Variants in KLF13 observed in about 807,000 individuals in gnomAD.
The protein encoded by KLF13 is Krueppel-like factor 13.
In KLF13, 8 loss-of-function variants were observed where a neutral mutation model predicts 16.7. The ratio of observed to expected loss-of-function variants is 0.48; its 90% CI spans 0.28 to 0.87. KLF13 has a LOEUF of 0.87. Ranked by LOEUF, KLF13 falls within the 40% of genes least tolerant of loss-of-function variation. The probability of loss-of-function intolerance (pLI) is 0.10; values close to 1 mark genes in which losing one functional copy is unlikely to be tolerated. For missense variants in KLF13, 447 were observed against 452.2 expected (o/e 0.99, Z 0.10); for synonymous variants, 245 against 208.4 (o/e 1.18, Z -1.51).
chr15:31,347,368 A>G (rs1430648353), intron 1 of KLF13, among the ~76,000 whole-genome samples: 2 of 152,092 alleles, frequency 1.3e-5, no homozygotes, highest in Non-Finnish European at 2.9e-5. Flanking sequence ...AGGGCTGGGG[A>G]TGGGCAGTGG....
At chr15:31,341,275 G>A (rs2039017131) in intron 1 of KLF13, among the ~76,000 whole-genome samples, 1 of 152,210 alleles carries the variant, frequency 6.6e-6, no homozygotes, top group Admixed American at 6.5e-5. Context: ...GTCTGGTCAT[G>A]CTGCCTCTAG....
At chr15:31,336,635 G>A (rs2038934657) in intron 1 of KLF13, among the ~76,000 whole-genome samples, 1 of 152,168 alleles carries the variant, frequency 6.6e-6, no homozygotes, top group South Asian at 2.1e-4. Context: ...TAAAGTTGAT[G>A]GCAGAGCATG....
In KLF13 at chr15:31,377,623, G is replaced by A. The variant is rs2039671251; in HGVS notation, c.*5324G>A. 6.6e-6 allele frequency: 1 copy of A among 152,536 alleles called. No homozygotes were observed. Among genetic ancestry groups the A allele is most frequent in the Non-Finnish European group, 1.5e-5 (1 of 68,028 alleles). 9.4% of individuals were successfully genotyped at this position (152,536 alleles called of 1,614,324 possible). ...GAGCTCATGTTTTTCTTTTCTGTAG[G>A]AACTTTTTTTTAACCAGCACCCACC... On this transcript the variant is annotated 3_prime_UTR_variant, in exon 2 of 2. Coordinates refer to ENST00000307145, the MANE Select transcript of KLF13 (RefSeq NM_015995.4).
intron 1 of KLF13, chr15:31,393,332 C>T (rs553310570): frequency 5.2e-5 from 8 of 152,566 alleles, no homozygotes; most frequent in African/African-American, 1.9e-4. Context: ...GTGTGCTGCG[C>T]ACTCCCTGCA....
At chr15:31,400,847 T>G (rs1028123268) in intron 2 of KLF13, among the ~76,000 whole-genome samples, 3 of 151,942 alleles carry the variant, frequency 2.0e-5, no homozygotes, top group African/African-American at 7.3e-5. Context: ...GCTGGCTGGA[T>G]GCGATGGCTG....
chr15:31,329,714 C>T (rs1438442489), intron 1 of KLF13, among the ~76,000 whole-genome samples: 1 of 152,224 alleles, frequency 6.6e-6, no homozygotes, highest in Non-Finnish European at 1.5e-5. Context: ...GAGCACGGGA[C>T]CAACCCTTTG....
chr15:31,421,944 T>A (rs940414675), intron 1 of KLF13, among the ~76,000 whole-genome samples: 1 of 151,800 alleles, frequency 6.6e-6, no homozygotes, highest in Non-Finnish European at 1.5e-5. Context: ...TGAAACCCCA[T>A]CTCTACCAAA....
At chr15:31,341,631 G>T (rs2039023678) in intron 1 of KLF13, among the ~76,000 whole-genome samples, 1 of 151,156 alleles carries the variant, frequency 6.6e-6, no homozygotes, top group Admixed American at 6.6e-5. Flanking sequence ...CAAACTCCTG[G>T]GCTCACACTA....
chr15:31,423,690 A>G (rs747618020), intron 1 of KLF13, among the ~76,000 whole-genome samples: 2 of 152,292 alleles, frequency 1.3e-5, no homozygotes, highest in South Asian at 2.1e-4. Context: ...CATATACAGA[A>G]TACTCTAAGA....
intron 1 of KLF13, among the ~76,000 whole-genome samples, chr15:31,335,745 C>G (rs1452202906): frequency 6.6e-6 from 1 of 152,184 alleles, no homozygotes; most frequent in Non-Finnish European, 1.5e-5. Flanking sequence ...CTTGATGTCT[C>G]AGATTAAATG....
intron 1 of KLF13, among the ~76,000 whole-genome samples, chr15:31,370,877 G>A (rs930195060): frequency 5.3e-5 from 8 of 152,052 alleles, no homozygotes; most frequent in South Asian, 2.1e-4. Flanking sequence ...GTTGCATTGC[G>A]CTTGGCCTTT....
intron 1 of KLF13, among the ~76,000 whole-genome samples, chr15:31,421,524 G>A (rs1469518395): frequency 6.6e-6 from 1 of 152,104 alleles, no homozygotes; most frequent in Non-Finnish European, 1.5e-5. Flanking sequence ...TAGGGGAGAT[G>A]TAAAATTTTT....
chr15:31,415,901 T>C (rs923989346), intron 1 of KLF13, among the ~76,000 whole-genome samples: 1 of 151,974 alleles, frequency 6.6e-6, no homozygotes, highest in Non-Finnish European at 1.5e-5. Flanking sequence ...AAATATTTAA[T>C]TTTTAGGTTG....
intron 1 of KLF13, among the ~76,000 whole-genome samples, chr15:31,429,732 T>C (rs2040447954): frequency 6.6e-6 from 1 of 150,614 alleles, no homozygotes; most frequent in African/African-American, 2.4e-5. Flanking sequence ...TATTTATTTA[T>C]TTATTTATTT....
chr15:31,354,422 C>A (rs997458595), intron 1 of KLF13, among the ~76,000 whole-genome samples: 1 of 152,146 alleles, frequency 6.6e-6, no homozygotes, highest in African/African-American at 2.4e-5. Flanking sequence ...CTCCTGTTGC[C>A]CAGGCTGGAG....
downstream of KLF13, among the ~76,000 whole-genome samples, chr15:31,380,063 C>T (rs933552094): frequency 6.6e-6 from 1 of 152,052 alleles, no homozygotes; most frequent in Admixed American, 6.6e-5. Flanking sequence ...TCTGGGGGGC[C>T]GAGGAAGGCA....
chr15:31,328,476 G>A (rs932713552), intron 1 of KLF13, among the ~76,000 whole-genome samples: 1 of 151,786 alleles, frequency 6.6e-6, no homozygotes, highest in Non-Finnish European at 1.5e-5. Flanking sequence ...CATCCGGCCC[G>A]GCGGGGGCGC....
At chr15:31,331,127 G>A (rs1426404292) in intron 1 of KLF13, among the ~76,000 whole-genome samples, 1 of 152,220 alleles carries the variant, frequency 6.6e-6, no homozygotes. Context: ...TGTTCCCACA[G>A]AGAATTGTTT....
At chr15:31,418,149 C>T (rs1280370519) in intron 1 of KLF13, among the ~76,000 whole-genome samples, 1 of 151,228 alleles carries the variant, frequency 6.6e-6, no homozygotes, top group Non-Finnish European at 1.5e-5. Context: ...TAAAAATTTA[C>T]ACTTAATTAC....
Sources: allele counts gnomAD v4.1 joint callset (sites outside exome capture counted in the v4.1 genomes callset), GRCh38; gene constraint gnomAD v4.1.1; transcripts MANE v1.5; gene names NCBI Gene and HGNC (gene_info 2026-07-23, HGNC 2026-07-21).